KANK1: variants seen among roughly 807,000 people sequenced by gnomAD.
The protein encoded by KANK1 is KN motif and ankyrin repeat domain-containing protein 1.
KANK1 carries 109 observed loss-of-function variants against 106.2 expected under a neutral mutation model. The ratio of observed to expected loss-of-function variants is 1.03; its 90% CI spans 0.88 to 1.20. The LOEUF (loss-of-function observed/expected upper bound fraction) is 1.20, where lower values mean the gene tolerates loss of function less well. Among genes scored for constraint, KANK1 ranks in the 50% most tolerant of loss-of-function variants. The pLI, the probability that KANK1 is intolerant of heterozygous loss-of-function variation, is 0.00. For synonymous variants in KANK1, 873 were observed against 652.2 expected (o/e 1.34, Z -5.16); for missense variants, 2,399 against 1,710.7 (o/e 1.40, Z -7.10).
intron 3 of KANK1, among the ~76,000 whole-genome samples, chr9:720,542 A>T (rs1200906845): frequency 6.6e-6 from 1 of 152,100 alleles, no homozygotes; most frequent in Non-Finnish European, 1.5e-5. Flanking sequence ...TTTGTTAGAG[A>T]GGGGGGTCTC....
chr9:598,620 C>CT lies in KANK1; in HGVS notation c.-83-78240dup, dbSNP rs3028166. Among the ~76,000 whole-genome samples, 375 of 46,668 alleles carry CT rather than the reference C, an allele frequency of 8.0e-3. 91 individuals carry two copies. The highest frequency in any genetic ancestry group is 0.011 in the Non-Finnish European group (247 of 23,138). The allele number at this position is 46,668 out of a possible 152,430, so 30.6% of individuals were successfully genotyped here. On this transcript the variant is annotated intron_variant, in intron 1 of 11. Coordinates refer to ENST00000382297, the MANE Select transcript of KANK1 (RefSeq NM_015158.5). ...TTTTTTGTTTTGTTTTGTTGGTTTT[C>CT]TTTTTTTTTTTTTTTTTTTTTTTTT...
intron 1 of KANK1, among the ~76,000 whole-genome samples, chr9:666,869 T>G (rs1844712445): frequency 6.6e-6 from 1 of 151,372 alleles, no homozygotes; most frequent in African/African-American, 2.4e-5. Context: ...TTTTTCTATC[T>G]GTGTTCATCA....
chr9:666,979 T>G (rs1588718355), intron 1 of KANK1, among the ~76,000 whole-genome samples: 2 of 119,486 alleles, frequency 1.7e-5, no homozygotes, highest in South Asian at 3.2e-4. Context: ...CCGGATGAGT[T>G]TGAGCATTCC....
rs907818345 is a variant in KANK1 at position 738,294 on chromosome 9, C to G, written c.3343C>G (p.Leu1115Val). 11 of 1,612,138 alleles carry G rather than the reference C, an allele frequency of 6.8e-6. No homozygotes were observed. The highest frequency in any genetic ancestry group is 9.3e-6 in the Non-Finnish European group (11 of 1,179,140). ...ALTSKDMRFC[L>V]NTLQHEWFRV... ...CTTGGTGTTTTGGCAGAGGTTCTGTCTGAACACCCTCCAGCACGAGTGGTT... is the reference window on the plus strand; with the variant it reads ...CTTGGTGTTTTGGCAGAGGTTCTGTGTGAACACCCTCCAGCACGAGTGGTT... Residue 1115 changes from leucine to valine, a missense_variant, in exon 8 of 12, where the codon CTG (leucine) becomes GTG (valine). Coordinates refer to ENST00000382297, the MANE Select transcript of KANK1 (RefSeq NM_015158.5).
intron 1 of KANK1, among the ~76,000 whole-genome samples, chr9:606,418 T>C (rs9696833): frequency 0.35 from 51,067 of 145,636 alleles, 10,671 homozygotes; most frequent in African/African-American, 0.48. Context: ...TAGCCGGGTG[T>C]GGTGGTGCAT....
chr9:662,663 T>TA (rs200395065), intron 1 of KANK1, among the ~76,000 whole-genome samples: 1,660 of 86,464 alleles, frequency 0.019, 52 homozygotes, highest in African/African-American at 0.068. Flanking sequence ...ATACAAAAGT[T>TA]AATTTTTTTT....
chr9:734,972 G>A (rs916228390), intron 7 of KANK1, 137 bp downstream of exon 7: 2 of 654,624 alleles, frequency 3.1e-6, no homozygotes, highest in African/African-American at 1.8e-5. Flanking sequence ...GAGTGGGCTG[G>A]GTAAACATCA....
intron 1 of KANK1, among the ~76,000 whole-genome samples, chr9:577,758 A>G (rs1371238259): frequency 1.3e-5 from 2 of 152,214 alleles, no homozygotes; most frequent in African/African-American, 2.4e-5. Context: ...TTATGTTTCA[A>G]CAAGTCTTGC....
chr9:708,441 G>C lies in KANK1; in HGVS notation c.38-2363G>C, dbSNP rs546858929. On this transcript the variant is annotated intron_variant, in intron 2 of 11. Transcript: ENST00000382297. ...CCCTCCCATTCTTAGGCTAGAGCAT[G>C]ACTGCTGCTGGGCACTTCTTTCACA... Among the ~76,000 whole-genome samples, 3 of 152,378 alleles carry C rather than the reference G, an allele frequency of 2.0e-5. No individual in the cohort carries two copies. In the East Asian group the frequency reaches 5.8e-4, roughly 29 times the overall value.
chr9:734,700 A>T lies in KANK1; in HGVS notation c.3246-48A>T, dbSNP rs1190683146. ...ATTAGATATTTGGGTTGAAATAAAA[A>T]TGATTTTCTTCTTGTGACCAATCGT... On this transcript the variant is annotated intron_variant, in intron 6 of 11. Coordinates refer to ENST00000382297, the MANE Select transcript of KANK1 (RefSeq NM_015158.5). 4.3e-5 allele frequency: 58 copies of T among 1,361,664 alleles called. No homozygotes were observed. The Admixed American group carries it at 8.6e-4, about 20-fold the overall frequency. The allele number at this position is 1,361,664 out of a possible 1,614,324, so 84.3% of individuals were successfully genotyped here. A position where few individuals can be genotyped will look rare whatever the true frequency, so the allele number is the denominator to read the frequency against.
intron 1 of KANK1, among the ~76,000 whole-genome samples, chr9:612,635 A>G (rs941472811): frequency 1.6e-4 from 24 of 152,346 alleles, no homozygotes; most frequent in African/African-American, 4.1e-4. Flanking sequence ...AAGTACAGAA[A>G]CAATGAGACA....
intron 1 of KANK1, among the ~76,000 whole-genome samples, chr9:555,502 A>G (rs1353346507): frequency 6.6e-6 from 1 of 152,232 alleles, no homozygotes; most frequent in Admixed American, 6.5e-5. Context: ...TCAGATACCA[A>G]TTAGGTAAAA....
At chr9:597,821 G>A (rs1204231885) in intron 1 of KANK1, among the ~76,000 whole-genome samples, 1 of 151,020 alleles carries the variant, frequency 6.6e-6, no homozygotes, top group Non-Finnish European at 1.5e-5. Context: ...GCATCACCAC[G>A]CCTGGCTAAT....
Position 742,397 on chromosome 9 carries a change from G to C in KANK1, c.3889G>C (p.Glu1297Gln). 1.2e-6 allele frequency: 2 copies of C among 1,612,836 alleles called. No homozygotes were observed. The highest frequency in any genetic ancestry group is 1.7e-4 in the Middle Eastern group (1 of 5,970). Residue 1297 changes from glutamate to glutamine, a missense_variant, in exon 10 of 12, where the codon GAG becomes CAG. Glu to Gln is a conservative substitution (Grantham distance 29). Coordinates refer to ENST00000382297, the MANE Select transcript of KANK1 (RefSeq NM_015158.5). ...CCAGCCCGGCTGCAACGGTCACCTA[G>C]AGGACAACGTAAGCTGTCTCCATTG... ...LAQPGCNGHLEDNDGSTALSI... is the reference protein window; with the variant it reads ...LAQPGCNGHLQDNDGSTALSI...
intron 1 of KANK1, among the ~76,000 whole-genome samples, chr9:519,812 G>A (rs1257505505): frequency 6.6e-6 from 1 of 151,690 alleles, no homozygotes; most frequent in African/African-American, 2.4e-5. Context: ...CTAAAGGTCA[G>A]ACAAACAAGT....
chr9:595,385 C>T (rs759635292), intron 1 of KANK1, among the ~76,000 whole-genome samples: 9 of 151,888 alleles, frequency 5.9e-5, no homozygotes, highest in Non-Finnish European at 1.2e-4. Flanking sequence ...AAGGGGAGAC[C>T]TAATGCCATT....
At chr9:654,549 A>G (rs1217863724) in intron 1 of KANK1, among the ~76,000 whole-genome samples, 3 of 149,112 alleles carry the variant, frequency 2.0e-5, no homozygotes, top group Non-Finnish European at 2.9e-5. Context: ...TAACTCAACC[A>G]GAAGGGACAA....
At position 713,404 on chromosome 9, in the gene KANK1, G is replaced by C; in HGVS notation, c.2638G>C (p.Ala880Pro). ...GTCTATCAACTCTGTCATGAAATCT[G>C]CAAGCACTGAAGAGCTGAGGAACCC... ...LSSINSVMKS[A>P]STEELRNPDF... is the part of the protein sequence containing the mutation. The change falls in exon 3 of 12, where the codon GCA becomes CCA. Residue 880 changes from alanine to proline, a missense_variant. Transcript: ENST00000382297. 1 of 1,613,302 alleles carries C rather than the reference G, an allele frequency of 6.2e-7. No homozygotes were observed. Among genetic ancestry groups the C allele is most frequent in the Non-Finnish European group, 8.5e-7 (1 of 1,179,712 alleles).
intron 3 of KANK1, among the ~76,000 whole-genome samples, chr9:497,585 A>T (rs1449462468): frequency 6.6e-6 from 1 of 152,194 alleles, no homozygotes; most frequent in South Asian, 2.1e-4. Context: ...CCATTTTTTT[A>T]AATGAAATTA....
Sources: allele counts gnomAD v4.1 joint callset (sites outside exome capture counted in the v4.1 genomes callset), GRCh38; gene constraint gnomAD v4.1.1; transcripts MANE v1.5; gene names NCBI Gene and HGNC (gene_info 2026-07-23, HGNC 2026-07-21).